ZNF570: variants seen among roughly 807,000 people sequenced by gnomAD.
ZNF570 encodes zinc finger protein 570.
Under a neutral mutation model 14.2 loss-of-function variants are expected in ZNF570, and 8 were observed. That is an observed-to-expected ratio of 0.56 (90% CI 0.33 to 1.02). The LOEUF (loss-of-function observed/expected upper bound fraction) is 1.02. Among genes scored for constraint, ZNF570 ranks in the 50% least tolerant of loss-of-function variants. The pLI is 0.03. For missense variants in ZNF570, 559 were observed against 624.9 expected, an observed-to-expected ratio of 0.89 and a Z score of 1.12; for synonymous variants, 202 against 207.6, an observed-to-expected ratio of 0.97 and a Z score of 0.23.
upstream of ZNF570, chr19:37,469,355 C>T: frequency 7.0e-7 from 1 of 1,425,766 alleles, no homozygotes; most frequent in African/African-American, 1.4e-5. Context: ...GCAGCTGAGG[C>T]GCTTCTTTCC....
At chr19:37,477,095 C>T (rs565611905) in intron 4 of ZNF570, among the ~76,000 whole-genome samples, 1 of 152,142 alleles carries the variant, frequency 6.6e-6, no homozygotes, top group South Asian at 2.1e-4. Context: ...ATGCTATCTC[C>T]AGGTAGACAG....
chr19:37,480,922 C>G (rs2042080381), intron 4 of ZNF570, among the ~76,000 whole-genome samples: 1 of 151,564 alleles, frequency 6.6e-6, no homozygotes, highest in Non-Finnish European at 1.5e-5. Context: ...GCACTACCGC[C>G]TAGGTGACAG....
intron 1 of ZNF570, among the ~76,000 whole-genome samples, chr19:37,469,921 C>A (rs1470498900): frequency 1.3e-5 from 2 of 152,148 alleles, no homozygotes; most frequent in Non-Finnish European, 2.9e-5. Flanking sequence ...CACGGAGAGG[C>A]TTTTAAAGCC....
Position 37,469,485 on chromosome 19 carries a change from T to G in ZNF570, c.-124T>G. On this transcript the variant is annotated 5_prime_UTR_variant, in exon 1 of 5. Transcript: ENST00000330173. ...CCAGTTCTGTTCTGCAGGTCGGGAGTGGGCTGAGGAGTGGCGTGTGGGTCT... is the reference window on the plus strand; with the variant it reads ...CCAGTTCTGTTCTGCAGGTCGGGAGGGGGCTGAGGAGTGGCGTGTGGGTCT... 2.0e-6 allele frequency: 3 copies of G among 1,535,932 alleles called. No homozygotes were observed. Among genetic ancestry groups the G allele is most frequent in the Non-Finnish European group, 2.6e-6 (3 of 1,146,812 alleles).
rs1421878145 is a variant in ZNF570 at position 37,486,942 on chromosome 19, T to G, written c.*1709T>G. On this transcript the variant is annotated 3_prime_UTR_variant, in exon 5 of 5. Coordinates refer to ENST00000330173, the MANE Select transcript of ZNF570 (RefSeq NM_144694.5). ...ACCCTGGCCAGGTGCAGTAGCTCATTCCTGTAATCCCAGCACTTTGGGAGG... is the reference window on the plus strand; with the variant it reads ...ACCCTGGCCAGGTGCAGTAGCTCATGCCTGTAATCCCAGCACTTTGGGAGG... 6.6e-6 allele frequency: 1 copy of G among 152,046 alleles called. No homozygotes were observed. Among genetic ancestry groups the G allele is most frequent in the Non-Finnish European group, 1.5e-5 (1 of 67,998 alleles). The allele number at this position is 152,046 out of a possible 1,614,324, so 9.4% of individuals were successfully genotyped here.
chr19:37,473,560 A>G (rs2041992473), intron 2 of ZNF570, among the ~76,000 whole-genome samples: 1 of 152,100 alleles, frequency 6.6e-6, no homozygotes, highest in African/African-American at 2.4e-5. Flanking sequence ...ATCATAGGGC[A>G]ACAGTTGAGG....
chr19:37,478,213 G>A (rs2042048552), intron 4 of ZNF570, among the ~76,000 whole-genome samples: 2 of 151,954 alleles, frequency 1.3e-5, no homozygotes, highest in Non-Finnish European at 2.9e-5. Context: ...CATTAACATG[G>A]TATAGCTCTC....
chr19:37,483,322 A>G (rs1055394453), intron 4 of ZNF570, among the ~76,000 whole-genome samples: 2 of 152,172 alleles, frequency 1.3e-5, no homozygotes, highest in Non-Finnish European at 2.9e-5. Flanking sequence ...TTAACTTGTT[A>G]ATGATTCCTA....
At chr19:37,476,088 T>A in intron 3 of ZNF570, 81 bp downstream of exon 3, 1 of 1,522,976 alleles carries the variant, frequency 6.6e-7, no homozygotes, top group Non-Finnish European at 8.8e-7. Flanking sequence ...TTGGATAATA[T>A]CTGCAAAATT....
At chr19:37,475,084 C>T (rs2042008873) in intron 2 of ZNF570, among the ~76,000 whole-genome samples, 1 of 151,856 alleles carries the variant, frequency 6.6e-6, no homozygotes, top group African/African-American at 2.4e-5. Flanking sequence ...CTGCCTCAGC[C>T]TCTGGAGTAG....
intron 2 of ZNF570, among the ~76,000 whole-genome samples, chr19:37,473,678 G>A (rs1346644898): frequency 2.0e-5 from 3 of 152,078 alleles, no homozygotes; most frequent in East Asian, 1.9e-4. Flanking sequence ...GACTGTAGAA[G>A]CGTAGAGGAT....
Position 37,485,198 on chromosome 19 carries a change from T to C in ZNF570, c.1576T>C (p.Ser526Pro). 6.3e-7 allele frequency: 1 copy of C among 1,575,050 alleles called. No homozygotes were observed. Among genetic ancestry groups the C allele is most frequent in the Non-Finnish European group, 8.6e-7 (1 of 1,161,388 alleles). Residue 526 changes from serine to proline, a missense_variant, in exon 5 of 5, where the codon TCA becomes CCA. By Grantham distance (74) the Ser-to-Pro change is moderately conservative. Transcript: ENST00000330173. ...GAGAATTCACATTGGGGAGTCACTG[T>C]CACCACCCAACCCAGTCAATCACCA... ...HQRIHIGESL[S>P]PPNPVNHQVL is the part of the protein sequence containing the mutation.
chr19:37,475,968 A>G lies in ZNF570; in HGVS notation c.121A>G (p.Asn41Asp). ...LDSSQRHLYS[N>D]VMLENYRILV... ...TTCTTCTCAAAGACATCTGTACAGT[A>G]ATGTGATGCTAGAGAACTACAGGAT... Residue 41 changes from asparagine to aspartate, a missense_variant, in exon 3 of 5, where the codon AAT becomes GAT. By Grantham distance (23) the Asn-to-Asp change is conservative (BLOSUM62 1). Transcript: ENST00000330173. 6.2e-7 allele frequency: 1 copy of G among 1,613,820 alleles called. No homozygotes were observed. The highest frequency in any genetic ancestry group is 1.1e-5 in the South Asian group (1 of 91,004).
At position 37,485,059 on chromosome 19, in the gene ZNF570, T is replaced by C. The variant is rs144709801; in HGVS notation, c.1437T>C (p.Phe479=). The part of the protein sequence containing the change: ...PYECTVCGKA[F]SYCGSLAQHQ... ...AATGTACTGTTTGTGGAAAGGCTTT[T>C]AGTTACTGTGGATCCCTTGCCCAAC... The change falls in exon 5 of 5, where the codon TTT becomes TTC. Residue 479 remains phenylalanine (F), a synonymous_variant. Coordinates refer to ENST00000330173, the MANE Select transcript of ZNF570 (RefSeq NM_144694.5). 7 of 1,614,034 alleles carry C rather than the reference T, an allele frequency of 4.3e-6. No homozygotes were observed. In the African/African-American group the frequency reaches 6.7e-5, roughly 15 times the overall value.
chr19:37,469,079 T>G, upstream of ZNF570: 9 of 1,022,370 alleles, frequency 8.8e-6, no homozygotes, highest in Non-Finnish European at 1.1e-5. Flanking sequence ...CACCAGCCCG[T>G]GTAGTGTGAC....
chr19:37,484,302 T>G lies in ZNF570; in HGVS notation c.680T>G (p.Phe227Cys). ...AAATGTAATGACTGTGAAAAAGTCT[T>G]CAGCCAGAGTTCATCCCTTACTCTT... ...LLKCNDCEKV[F>C]SQSSSLTLHQ... The change falls in exon 5 of 5, where the codon TTC (phenylalanine) becomes TGC (cysteine). Residue 227 changes from phenylalanine to cysteine, a missense_variant. Physicochemically the swap from Phe to Cys is radical, Grantham distance 205. Coordinates refer to ENST00000330173, the MANE Select transcript of ZNF570 (RefSeq NM_144694.5). 6.2e-7 allele frequency: 1 copy of G among 1,613,684 alleles called. No individual in the cohort carries two copies. The highest frequency in any genetic ancestry group is 1.1e-5 in the South Asian group (1 of 90,982).
intron 4 of ZNF570, among the ~76,000 whole-genome samples, chr19:37,477,290 T>C (rs916961567): frequency 2.1e-5 from 1 of 46,808 alleles, no homozygotes; most frequent in African/African-American, 7.9e-5. Flanking sequence ...GAGGTTGTCG[T>C]GTGTGTGTGT....
At chr19:37,470,809 C>T (rs1451337824) in intron 2 of ZNF570, among the ~76,000 whole-genome samples, 2 of 145,918 alleles carry the variant, frequency 1.4e-5, no homozygotes, top group Admixed American at 1.4e-4. Flanking sequence ...AAACGATTCT[C>T]CTGCCTCAGC....
Position 37,476,568 on chromosome 19 carries a change from T to C in ZNF570, c.256+134T>C, listed in dbSNP as rs996987377. 4 of 1,278,556 alleles carry C rather than the reference T, an allele frequency of 3.1e-6. No individual in the cohort carries two copies. In the East Asian group the frequency reaches 1.1e-4, roughly 34 times the overall value. The allele number at this position is 1,278,556 out of a possible 1,614,324, so 79.2% of individuals were successfully genotyped here. On this transcript the variant is annotated intron_variant, in intron 4 of 4. Transcript: ENST00000330173. ...GGTTTTCATAAAAATTTGGGGCCATTTAGGATGTTCTCCCACATTTGTTAT... is the reference window on the plus strand; with the variant it reads ...GGTTTTCATAAAAATTTGGGGCCATCTAGGATGTTCTCCCACATTTGTTAT...
Sources: allele counts gnomAD v4.1 joint callset (sites outside exome capture counted in the v4.1 genomes callset), GRCh38; gene constraint gnomAD v4.1.1; transcripts MANE v1.5; gene names NCBI Gene and HGNC (gene_info 2026-07-23, HGNC 2026-07-21).